Variants in LAPTM4B observed in about 807,000 individuals in gnomAD.
LAPTM4B encodes the protein lysosomal-associated transmembrane protein 4B.
A neutral mutation model predicts 28.5 loss-of-function variants in LAPTM4B; 26 were observed. The observed-to-expected ratio is 0.91, with a 90% CI of 0.67 to 1.27. The LOEUF is 1.27. Among genes scored for constraint, LAPTM4B ranks in the 50% most tolerant of loss-of-function variants. LAPTM4B has a pLI of 0.00. For synonymous variants in LAPTM4B, 109 were observed against 106.4 expected (o/e 1.02, Z -0.15); for missense variants, 288 against 285.8 (o/e 1.01, Z -0.06).
chr8:97,780,148 G>A (rs1485643996), intron 1 of LAPTM4B, among the ~76,000 whole-genome samples: 2 of 151,974 alleles, frequency 1.3e-5, no homozygotes, highest in African/African-American at 2.4e-5. Context: ...GTCCAGGCCG[G>A]GTACGGTGGC....
At chr8:97,804,632 A>G (rs1408429552) in intron 1 of LAPTM4B, among the ~76,000 whole-genome samples, 2 of 152,246 alleles carry the variant, frequency 1.3e-5, no homozygotes, top group Non-Finnish European at 2.9e-5. Flanking sequence ...AGCACTTAGC[A>G]TAGTGCCTGA....
intron 6 of LAPTM4B, among the ~76,000 whole-genome samples, chr8:97,835,858 C>T (rs1431053367): frequency 2.7e-5 from 4 of 149,338 alleles, no homozygotes; most frequent in Non-Finnish European, 4.5e-5. Context: ...CCCCAAGCCC[C>T]GGGCTGCACA....
chr8:97,831,744 T>C (rs1322886833), intron 6 of LAPTM4B, among the ~76,000 whole-genome samples: 1 of 152,218 alleles, frequency 6.6e-6, no homozygotes, highest in Non-Finnish European at 1.5e-5. Context: ...AAGTATTGGC[T>C]GTCTGGAGCG....
intron 1 of LAPTM4B, among the ~76,000 whole-genome samples, chr8:97,779,507 A>C (rs1483686298): frequency 6.6e-6 from 1 of 151,818 alleles, no homozygotes; most frequent in Non-Finnish European, 1.5e-5. Flanking sequence ...AAAGAGAAAG[A>C]GGCCTGGTGC....
chr8:97,809,885 G>A (rs1816801090), intron 2 of LAPTM4B, among the ~76,000 whole-genome samples: 1 of 152,158 alleles, frequency 6.6e-6, no homozygotes, highest in South Asian at 2.1e-4. Context: ...GAGGCATATA[G>A]GAGAATCTAC....
intron 1 of LAPTM4B, among the ~76,000 whole-genome samples, chr8:97,803,433 C>T (rs1019293048): frequency 3.3e-5 from 5 of 150,758 alleles, no homozygotes; most frequent in Non-Finnish European, 7.4e-5. Context: ...CATCCACCAC[C>T]ATGCCCAACT....
At chr8:97,787,791 T>C (rs530614096) in intron 1 of LAPTM4B, among the ~76,000 whole-genome samples, 8 of 152,240 alleles carry the variant, frequency 5.3e-5, no homozygotes, top group African/African-American at 1.9e-4. Context: ...CCATTACTCC[T>C]TTTTTCTTTT....
At chr8:97,790,147 T>G (rs192819515) in intron 1 of LAPTM4B, among the ~76,000 whole-genome samples, 56 of 151,838 alleles carry the variant, frequency 3.7e-4, no homozygotes, top group African/African-American at 1.3e-3. Flanking sequence ...AAATCTTGGC[T>G]ATTGTGAATA....
At chr8:97,776,608 G>T (rs1246207637) in intron 1 of LAPTM4B, among the ~76,000 whole-genome samples, 1 of 152,216 alleles carries the variant, frequency 6.6e-6, no homozygotes, top group African/African-American at 2.4e-5. Flanking sequence ...CTCCGCTAGG[G>T]TGGCCTGCGC....
Position 97,851,434 on chromosome 8 carries a change from G to A in LAPTM4B, c.641G>A (p.Gly214Asp), listed in dbSNP as rs148063497. The change falls in exon 7 of 7, where the codon GGT becomes GAT. Residue 214 changes from glycine to aspartate, a missense_variant. Transcript: ENST00000521545. ...LPPYDDATVN[G>D]AAKEPPPPYV... ...CCGTATGATGATGCCACTGTGAATG[G>A]TGCTGCCAAGGAGCCACCGCCACCT... is the stretch of plus-strand genomic sequence containing the variant. The A allele has an allele frequency of 3.1e-6, 5 of 1,614,074 alleles. No individual in the cohort carries two copies. The African/African-American group carries it at 5.3e-5, about 17-fold the overall frequency.
chr8:97,798,692 C>T (rs896067029), intron 1 of LAPTM4B, among the ~76,000 whole-genome samples: 1 of 152,140 alleles, frequency 6.6e-6, no homozygotes, highest in African/African-American at 2.4e-5. Flanking sequence ...GCAGCCAGGA[C>T]TCTGTTGTCA....
intron 6 of LAPTM4B, among the ~76,000 whole-genome samples, chr8:97,839,479 C>G (rs1817312986): frequency 6.6e-6 from 1 of 152,192 alleles, no homozygotes; most frequent in African/African-American, 2.4e-5. Flanking sequence ...AGGCGTGAAC[C>G]ACTGCGCCCG....
chr8:97,807,725 A>C (rs1302389844), intron 2 of LAPTM4B, among the ~76,000 whole-genome samples: 4 of 152,114 alleles, frequency 2.6e-5, no homozygotes, highest in Non-Finnish European at 5.9e-5. Flanking sequence ...GCCCTGAAGG[A>C]GCTCCAACTG....
chr8:97,790,030 T>G (rs1384339972), intron 1 of LAPTM4B, among the ~76,000 whole-genome samples: 1 of 152,236 alleles, frequency 6.6e-6, no homozygotes, highest in Non-Finnish European at 1.5e-5. Context: ...TCCATCCATG[T>G]TGTTGCAAAT....
chr8:97,815,379 TG>T lies in LAPTM4B; in HGVS notation c.265del (p.Ala89LeufsTer26). 3 of 1,613,722 alleles carry T rather than the reference TG, an allele frequency of 1.9e-6. No homozygotes were observed. The highest frequency in any genetic ancestry group is 1.7e-6 in the Non-Finnish European group (2 of 1,179,632). On this transcript the variant is annotated frameshift_variant, in exon 3 of 7. Coordinates refer to ENST00000521545, the MANE Select transcript of LAPTM4B (RefSeq NM_018407.6). LOFTEE classifies it high-confidence loss of function. ...CTTCTCATGATCCTGATATGTGCTA[TG>T]GCTACTTACGGAGCGTACAAGGTAA... ...ISLLMILICA[M>X]ATYGAYKQRA...
intron 6 of LAPTM4B, among the ~76,000 whole-genome samples, chr8:97,829,825 T>A (rs1055084451): frequency 6.6e-6 from 1 of 151,954 alleles, no homozygotes; most frequent in Non-Finnish European, 1.5e-5. Flanking sequence ...GCCTCCTGAG[T>A]AGCTGGGATT....
chr8:97,808,661 GTAA>G (rs1184359869), intron 2 of LAPTM4B, among the ~76,000 whole-genome samples: 1 of 151,998 alleles, frequency 6.6e-6, no homozygotes, highest in Non-Finnish European at 1.5e-5. Context: ...ATGATGGAAA[GTAA>G]TTACAGACTG....
chr8:97,819,984 C>T (rs1244314268), intron 5 of LAPTM4B, among the ~76,000 whole-genome samples: 2 of 152,096 alleles, frequency 1.3e-5, no homozygotes, highest in Non-Finnish European at 2.9e-5. Context: ...ATCCGCCCAC[C>T]TCGGCCTCCC....
chr8:97,801,749 C>T (rs62524062), intron 1 of LAPTM4B, among the ~76,000 whole-genome samples: 9,271 of 149,274 alleles, frequency 0.062, 818 homozygotes, highest in African/African-American at 0.2. Flanking sequence ...CCTACTGAGG[C>T]GGGAGAATCA....
Sources: allele counts gnomAD v4.1 joint callset (sites outside exome capture counted in the v4.1 genomes callset), GRCh38; gene constraint gnomAD v4.1.1; transcripts MANE v1.5; gene names NCBI Gene and HGNC (gene_info 2026-07-23, HGNC 2026-07-21).